The following SEPTIN7 variants were observed in gnomAD, a reference collection of about 807,000 sequenced individuals.
SEPTIN7 encodes the protein septin 7, also known as septin-7.
Under a neutral mutation model 63.3 loss-of-function variants are expected in SEPTIN7, and 10 were observed. The ratio of observed to expected loss-of-function variants is 0.16; its 90% CI spans 0.10 to 0.27. SEPTIN7 has a LOEUF of 0.27. Ranked by LOEUF, SEPTIN7 falls within the 10% of genes least tolerant of loss-of-function variation. SEPTIN7 has a pLI of 1.00. For synonymous variants in SEPTIN7, 131 were observed against 165.3 expected, an observed-to-expected ratio of 0.79 and a Z score of 1.59; for missense variants, 310 against 521.0, an observed-to-expected ratio of 0.59 and a Z score of 3.94.
At chr7:35,859,246 ATTTC>A (rs1785375725) in intron 3 of SEPTIN7, among the ~76,000 whole-genome samples, 1 of 151,570 alleles carries the variant, frequency 6.6e-6, no homozygotes, top group African/African-American at 2.4e-5. Flanking sequence ...TTCCCTTGTG[ATTTC>A]TTTGATTCAT....
intron 11 of SEPTIN7, 148 bp downstream of exon 11, chr7:35,890,941 C>T (rs1787601553): frequency 1.6e-6 from 1 of 640,610 alleles, no homozygotes; most frequent in Non-Finnish European, 2.3e-6. Flanking sequence ...TATTGTTATG[C>T]TTTGTTAATA....
chr7:35,912,625 G>A, the SEPTIN7 span, among the ~76,000 whole-genome samples: 1 of 152,100 alleles, frequency 6.6e-6, no homozygotes, highest in African/African-American at 2.4e-5. Flanking sequence ...AGCTGGTCTC[G>A]GCACTTCTCT....
At chr7:35,877,231 T>C (rs535363706) in intron 6 of SEPTIN7, among the ~76,000 whole-genome samples, 1 of 152,348 alleles carries the variant, frequency 6.6e-6, no homozygotes, top group South Asian at 2.1e-4. Flanking sequence ...TTGTGCTCCC[T>C]ATTCTCTGAA....
intron 1 of SEPTIN7, among the ~76,000 whole-genome samples, chr7:35,817,969 A>G (rs903775627): frequency 7.2e-5 from 11 of 151,882 alleles, no homozygotes; most frequent in Admixed American, 5.9e-4. Context: ...TTACTTTACA[A>G]TCTAGATACA....
Position 35,863,601 on chromosome 7 carries a change from A to T in SEPTIN7, c.219A>T (p.Thr73=). The change falls in exon 4 of 14, where the codon ACA becomes ACT. Residue 73 remains threonine, a synonymous_variant. Coordinates refer to ENST00000350320, the MANE Select transcript of SEPTIN7 (RefSeq NM_001788.6). Reference sequence around the variant, plus strand: ...CATTAATCAACTCATTATTCCTCACAGATTTGTATTCTCCAGAGTATCCAG... The same window carrying T: ...CATTAATCAACTCATTATTCCTCACTGATTTGTATTCTCCAGAGTATCCAG... ...KSTLINSLFL[T]DLYSPEYPGP... 3 of 1,591,446 alleles carry T rather than the reference A, an allele frequency of 1.9e-6. No individual in the cohort carries two copies. Among genetic ancestry groups the T allele is most frequent in the Non-Finnish European group, 2.6e-6 (3 of 1,175,854 alleles).
At chr7:35,846,886 A>G (rs1038021473) in intron 3 of SEPTIN7, 1 of 152,222 alleles carries the variant, frequency 6.6e-6, no homozygotes, top group Non-Finnish European at 1.5e-5. Flanking sequence ...GGCCTGGGAT[A>G]CTGTGGCTTA....
At chr7:35,836,372 G>T (rs947207662) in intron 3 of SEPTIN7, among the ~76,000 whole-genome samples, 1 of 152,118 alleles carries the variant, frequency 6.6e-6, no homozygotes, top group African/African-American at 2.4e-5. Flanking sequence ...TTTTAAAACA[G>T]GTAGTATTAA....
At chr7:35,844,690 C>T (rs1267419792) in intron 3 of SEPTIN7, among the ~76,000 whole-genome samples, 2 of 151,984 alleles carry the variant, frequency 1.3e-5, no homozygotes, top group Non-Finnish European at 2.9e-5. Flanking sequence ...ACCTCCGTTC[C>T]CCTGGGTTCA....
chr7:35,832,018 G>A, intron 2 of SEPTIN7: 1 of 433,958 alleles, frequency 2.3e-6, no homozygotes, highest in Non-Finnish European at 4.6e-6. Context: ...ACTACGGACA[G>A]CATTTCTCAC....
intron 1 of SEPTIN7, among the ~76,000 whole-genome samples, chr7:35,805,473 TTG>T (rs1283842355): frequency 6.6e-6 from 1 of 152,202 alleles, no homozygotes; most frequent in East Asian, 1.9e-4. Context: ...TGCTCTCAAT[TTG>T]TGTTTCTCTG....
At chr7:35,858,422 C>T (rs1394852172) in intron 3 of SEPTIN7, among the ~76,000 whole-genome samples, 1 of 152,126 alleles carries the variant, frequency 6.6e-6, no homozygotes, top group Non-Finnish European at 1.5e-5. Flanking sequence ...GTAGTGCGAT[C>T]TTGGCTCACT....
At chr7:35,854,834 A>G (rs1785125065) in intron 3 of SEPTIN7, among the ~76,000 whole-genome samples, 1 of 152,110 alleles carries the variant, frequency 6.6e-6, no homozygotes, top group Non-Finnish European at 1.5e-5. Flanking sequence ...AAACTGATAT[A>G]CAAAGAAGAA....
At chr7:35,888,851 A>G in intron 10 of SEPTIN7, 1 of 376,966 alleles carries the variant, frequency 2.7e-6, no homozygotes, top group Non-Finnish European at 5.2e-6. Flanking sequence ...AAAAACGGAA[A>G]AGAAAAATTA....
intron 10 of SEPTIN7, among the ~76,000 whole-genome samples, chr7:35,890,170 A>G (rs554918010): frequency 6.6e-6 from 1 of 152,336 alleles, no homozygotes; most frequent in East Asian, 1.9e-4. Context: ...CTTTCACTAG[A>G]CAGTTTGAAG....
At chr7:35,892,446 C>T (rs781091721) in intron 11 of SEPTIN7, among the ~76,000 whole-genome samples, 2 of 152,178 alleles carry the variant, frequency 1.3e-5, no homozygotes, top group East Asian at 1.9e-4. Context: ...TTATCATTAA[C>T]GATGCACTTT....
At chr7:35,896,638 T>C (rs1399691928) in intron 11 of SEPTIN7, among the ~76,000 whole-genome samples, 3 of 152,204 alleles carry the variant, frequency 2.0e-5, no homozygotes, top group Non-Finnish European at 4.4e-5. Flanking sequence ...AAAAAGATGA[T>C]ATTTACACTT....
At chr7:35,802,887 A>C (rs1445370151) in intron 1 of SEPTIN7, among the ~76,000 whole-genome samples, 1 of 152,188 alleles carries the variant, frequency 6.6e-6, no homozygotes, top group Non-Finnish European at 1.5e-5. Context: ...GGGTGGGACT[A>C]AAGGAGATAA....
chr7:35,842,128 C>T (rs1422406548), intron 3 of SEPTIN7, among the ~76,000 whole-genome samples: 1 of 152,068 alleles, frequency 6.6e-6, no homozygotes, highest in East Asian at 1.9e-4. Flanking sequence ...TTTAGTCTCT[C>T]CCAAGGCAGG....
chr7:35,869,800 A>G (rs1403680620), intron 4 of SEPTIN7, among the ~76,000 whole-genome samples: 1 of 152,174 alleles, frequency 6.6e-6, no homozygotes, highest in African/African-American at 2.4e-5. Flanking sequence ...TTATACATAG[A>G]TGATACATGG....
Sources: allele counts gnomAD v4.1 joint callset (sites outside exome capture counted in the v4.1 genomes callset), GRCh38; gene constraint gnomAD v4.1.1; transcripts MANE v1.5; gene names NCBI Gene and HGNC (gene_info 2026-07-23, HGNC 2026-07-21).